The following MYO9A variants were observed in gnomAD, a reference collection of about 807,000 sequenced individuals.
MYO9A encodes myosin IXA.
MYO9A carries 103 observed loss-of-function variants against 293.3 expected under a neutral mutation model. The observed-to-expected ratio is 0.35, with a 90% CI of 0.30 to 0.41. MYO9A has a LOEUF of 0.41. Ranked by LOEUF, MYO9A falls within the 10% of genes least tolerant of loss-of-function variation. The pLI is 1.00. For synonymous variants in MYO9A, 1,001 were observed against 1,035.7 expected (o/e 0.97, Z 0.64); for missense variants, 2,685 against 3,033.0 (o/e 0.89, Z 2.69).
intron 15 of MYO9A, among the ~76,000 whole-genome samples, chr15:71,944,848 G>C (rs1368184137): frequency 6.6e-6 from 1 of 152,044 alleles, no homozygotes; most frequent in African/African-American, 2.4e-5. Context: ...TTTAGATTCA[G>C]CTTGTTAATT....
chr15:72,047,440 G>C (rs550121231), intron 1 of MYO9A, among the ~76,000 whole-genome samples: 1 of 151,832 alleles, frequency 6.6e-6, no homozygotes, highest in Non-Finnish European at 1.5e-5. Flanking sequence ...CTCGAACCTC[G>C]TATACAGTAT....
At chr15:72,074,005 C>A (rs563646904) in intron 1 of MYO9A, among the ~76,000 whole-genome samples, 1 of 152,192 alleles carries the variant, frequency 6.6e-6, no homozygotes, top group South Asian at 2.1e-4. Context: ...GGTCTCTGTC[C>A]CAACTACTCA....
chr15:72,062,360 A>G (rs1046258637), intron 1 of MYO9A, among the ~76,000 whole-genome samples: 2 of 152,214 alleles, frequency 1.3e-5, no homozygotes, highest in African/African-American at 4.8e-5. Flanking sequence ...AACAAACTAA[A>G]TAAGGCAGCA....
intron 14 of MYO9A, among the ~76,000 whole-genome samples, chr15:71,952,898 A>G (rs559076436): frequency 5.3e-4 from 80 of 152,276 alleles, no homozygotes; most frequent in Admixed American, 5.9e-4. Flanking sequence ...ATACTAATTC[A>G]AAGAGGTTTG....
chr15:72,052,317 G>C (rs1453961471), intron 1 of MYO9A, among the ~76,000 whole-genome samples: 1 of 152,058 alleles, frequency 6.6e-6, no homozygotes, highest in Admixed American at 6.5e-5. Flanking sequence ...AGGACACCCT[G>C]GCTGCAGAGA....
Position 71,910,088 on chromosome 15 carries a change from G to A in MYO9A, c.2686-5082C>T, listed in dbSNP as rs187554116. On this transcript the variant is annotated intron_variant, in intron 19 of 41. Transcript: ENST00000356056. ...AAGCCCCAATTTTATATATATACAC[G>A]TATATATATATACGTATATATATAC... Among the ~76,000 whole-genome samples the A allele has an allele frequency of 4.7e-3, 657 of 139,518 alleles. 29 individuals carry two copies. The highest frequency in any genetic ancestry group is 0.041 in the Admixed American group (567 of 13,752). The allele number at this position is 139,518 out of a possible 152,430, so 91.5% of individuals were successfully genotyped here. A position where few individuals can be genotyped will look rare whatever the true frequency, so the allele number is the denominator to read the frequency against.
At chr15:71,923,720 C>T (rs1294350848) in intron 18 of MYO9A, among the ~76,000 whole-genome samples, 1 of 152,114 alleles carries the variant, frequency 6.6e-6, no homozygotes, top group African/African-American at 2.4e-5. Flanking sequence ...TTTCACATCT[C>T]TGAATTTGAA....
chr15:72,012,288 C>A (rs528879671), intron 6 of MYO9A, among the ~76,000 whole-genome samples: 1 of 152,092 alleles, frequency 6.6e-6, no homozygotes, highest in African/African-American at 2.4e-5. Flanking sequence ...TGCCAATGTC[C>A]TACTCATTAA....
intron 11 of MYO9A, among the ~76,000 whole-genome samples, chr15:71,982,680 A>C (rs1218980063): frequency 6.6e-6 from 1 of 152,252 alleles, no homozygotes; most frequent in Non-Finnish European, 1.5e-5. Context: ...CATCTTCTAG[A>C]TATTTTAAAT....
At position 71,850,093 on chromosome 15, in the gene MYO9A, C is replaced by T. The variant is rs780540584; in HGVS notation, c.6656G>A (p.Arg2219His). ...LAIVFAPCIL[R>H]CPDTTDPLQS... ...TAGTGGGTCAGTGGTGTCAGGGCAG[C>T]GGAGAATGCAGGGCGCAAACACAAT... The change falls in exon 38 of 42, where the codon CGC becomes CAC. Residue 2219 changes from arginine (R) to histidine (H), a missense_variant. Coordinates refer to ENST00000356056, the MANE Select transcript of MYO9A (RefSeq NM_006901.4). 2.2e-5 allele frequency: 35 copies of T among 1,613,836 alleles called. No individual in the cohort carries two copies. Among genetic ancestry groups the T allele is most frequent in the South Asian group, 1.5e-4 (14 of 91,080 alleles).
At chr15:72,001,829 T>C (rs2076874908) in intron 8 of MYO9A, among the ~76,000 whole-genome samples, 1 of 151,888 alleles carries the variant, frequency 6.6e-6, no homozygotes, top group African/African-American at 2.4e-5. Context: ...GAACTTTAAA[T>C]AAAAGGCCTC....
chr15:71,901,208 C>T lies in MYO9A; in HGVS notation c.3133G>A (p.Ala1045Thr), dbSNP rs946505521. ...CTTCTCACCTGGATAATAACAGATG[C>T]TTGTCTCAGATGGAGGAAATGCTGC... ...CRQHFLHLRQASVIIQRFWRN... is the reference protein window; with the variant it reads ...CRQHFLHLRQTSVIIQRFWRN... The change falls in exon 23 of 42, where the codon GCA becomes ACA. Residue 1045 changes from alanine (A) to threonine (T), a missense_variant. By Grantham distance (58) the Ala-to-Thr change is moderately conservative. Around this residue, in one of 10 missense-constraint regions of MYO9A, gnomAD observed 1,434 missense variants for 1,497.7 expected, o/e 0.96. Coordinates refer to ENST00000356056, the MANE Select transcript of MYO9A (RefSeq NM_006901.4). 3.7e-6 allele frequency: 6 copies of T among 1,612,124 alleles called. No homozygotes were observed. Among genetic ancestry groups the T allele is most frequent in the Non-Finnish European group, 5.1e-6 (6 of 1,179,434 alleles).
At chr15:71,837,171 T>G (rs181459993) in intron 39 of MYO9A, among the ~76,000 whole-genome samples, 2 of 152,044 alleles carry the variant, frequency 1.3e-5, no homozygotes, top group Non-Finnish European at 1.5e-5. Context: ...GTCTCAAAAA[T>G]AGAAATCCAT....
At chr15:71,971,115 C>T (rs953070559) in intron 12 of MYO9A, among the ~76,000 whole-genome samples, 2 of 150,886 alleles carry the variant, frequency 1.3e-5, no homozygotes, top group African/African-American at 2.4e-5. Context: ...GAGCTGAGAT[C>T]GTGCCGCTGC....
intron 2 of MYO9A, among the ~76,000 whole-genome samples, chr15:72,043,772 G>C (rs966687570): frequency 6.6e-6 from 1 of 151,962 alleles, no homozygotes; most frequent in Non-Finnish European, 1.5e-5. Flanking sequence ...CTGTGGTGGT[G>C]GTTTCATGGG....
chr15:71,875,088 T>C (rs1013408527), intron 32 of MYO9A, among the ~76,000 whole-genome samples: 27 of 152,062 alleles, frequency 1.8e-4, no homozygotes, highest in African/African-American at 6.0e-4. Flanking sequence ...ATCCTTGTAA[T>C]TGCACAAATT....
chr15:71,896,650 T>G (rs1320688465), intron 25 of MYO9A, among the ~76,000 whole-genome samples: 1 of 151,804 alleles, frequency 6.6e-6, no homozygotes, highest in African/African-American at 2.4e-5. Flanking sequence ...CATGGTGGCG[T>G]GCACCTATAG....
At chr15:72,085,857 G>A (rs1567024456) in intron 1 of MYO9A, among the ~76,000 whole-genome samples, 1 of 152,126 alleles carries the variant, frequency 6.6e-6, no homozygotes, top group Non-Finnish European at 1.5e-5. Context: ...GGTATATAAG[G>A]TGGGTTCAGT....
At chr15:71,902,872 T>C (rs946406281) in intron 22 of MYO9A, 69 bp downstream of exon 22, 20 of 1,234,026 alleles carry the variant, frequency 1.6e-5, no homozygotes, top group Non-Finnish European at 2.2e-5. Context: ...AACAATCTCA[T>C]AGGCAAAAAT....
Sources: gnomAD v4.1 joint callset for allele counts (sites outside exome capture counted in the v4.1 genomes callset) on GRCh38, gnomAD v4.1.1 for gene constraint, gnomAD v4.1.1 regional missense constraint, MANE v1.5 for transcripts, NCBI Gene and HGNC (gene_info 2026-07-23, HGNC 2026-07-21) for gene names.